Variants in TTC28 observed in about 807,000 individuals in gnomAD.
TTC28 encodes the protein tetratricopeptide repeat domain 28.
In TTC28, 61 loss-of-function variants were observed where a neutral mutation model predicts 198.0. That is an observed-to-expected ratio of 0.31 (90% CI 0.25 to 0.38). The LOEUF is 0.38. Ranked by LOEUF, TTC28 falls within the 10% of genes least tolerant of loss-of-function variation. The pLI, the probability that TTC28 is intolerant of heterozygous loss-of-function variation, is 1.00. For synonymous variants in TTC28, 1,171 were observed against 1,297.8 expected, an observed-to-expected ratio of 0.90 and a Z score of 2.10; for missense variants, 2,678 against 3,164.0, an observed-to-expected ratio of 0.85 and a Z score of 3.69.
At chr22:28,373,449 A>C (rs2046366447) in intron 2 of TTC28, among the ~76,000 whole-genome samples, 2 of 152,206 alleles carry the variant, frequency 1.3e-5, no homozygotes, top group Admixed American at 1.3e-4. Flanking sequence ...CTATTAGCAG[A>C]ATTCATCTAT....
chr22:28,486,313 A>G (rs2048314409), intron 2 of TTC28, among the ~76,000 whole-genome samples: 1 of 152,182 alleles, frequency 6.6e-6, no homozygotes, highest in African/African-American at 2.4e-5. Flanking sequence ...TAAAAGGACT[A>G]TAATCAGAGA....
intron 2 of TTC28, among the ~76,000 whole-genome samples, chr22:28,532,035 C>G (rs1426741272): frequency 6.6e-6 from 1 of 152,054 alleles, no homozygotes; most frequent in Non-Finnish European, 1.5e-5. Flanking sequence ...CAAAAGCTAG[C>G]AGAAGGCAAG....
chr22:27,992,554 A>G, intron 19 of TTC28, 33 bp downstream of exon 19: 1 of 1,548,456 alleles, frequency 6.5e-7, no homozygotes, highest in Non-Finnish European at 8.7e-7. Flanking sequence ...CATGGGCCTC[A>G]GGCCCTGGCT....
chr22:28,258,065 G>A (rs1475623263), intron 5 of TTC28, among the ~76,000 whole-genome samples: 1 of 151,956 alleles, frequency 6.6e-6, no homozygotes, highest in Non-Finnish European at 1.5e-5. Flanking sequence ...CTTCATAGCA[G>A]AAACCAACTA....
chr22:28,098,921 T>C lies in TTC28; in HGVS notation c.3541A>G (p.Ser1181Gly), dbSNP rs1482119578. Residue 1181 changes from serine to glycine, a missense_variant, in exon 10 of 23, where the codon AGC (serine) becomes GGC (glycine). Physicochemically the swap from Ser to Gly is moderately conservative, Grantham distance 56. Transcript: ENST00000397906. ...TAACCCCAGCTGTTCTCACCTAGGC[T>C]GACGAGCACCCGCTGCAAGGCCTGG... Reference protein sequence around the residue: ...SYQALQRVLVSLGHHDEALAV... With the variant: ...SYQALQRVLVGLGHHDEALAV... 6.4e-7 allele frequency: 1 copy of C among 1,551,654 alleles called. No individual in the cohort carries two copies. The highest frequency in any genetic ancestry group is 8.7e-7 in the Non-Finnish European group (1 of 1,146,954).
intron 6 of TTC28, among the ~76,000 whole-genome samples, chr22:28,142,787 A>G (rs1943372052): frequency 1.3e-5 from 2 of 152,210 alleles, no homozygotes; most frequent in Admixed American, 6.5e-5. Flanking sequence ...TAACAATCGG[A>G]AAACCATCAG....
chr22:28,183,867 T>C (rs1923941847), intron 5 of TTC28, among the ~76,000 whole-genome samples: 1 of 152,224 alleles, frequency 6.6e-6, no homozygotes, highest in Non-Finnish European at 1.5e-5. Context: ...TTAATACATT[T>C]TAAAACATAG....
intron 2 of TTC28, among the ~76,000 whole-genome samples, chr22:28,594,620 A>G (rs939130852): frequency 6.7e-6 from 1 of 149,944 alleles, no homozygotes; most frequent in Non-Finnish European, 1.5e-5. Context: ...GTAGTACAGG[A>G]CAGTAATAGT....
intron 2 of TTC28, among the ~76,000 whole-genome samples, chr22:28,353,604 G>A (rs2046032289): frequency 6.6e-6 from 1 of 152,032 alleles, no homozygotes; most frequent in Non-Finnish European, 1.5e-5. Flanking sequence ...ATGAAGAAAG[G>A]ACAGTCTTTT....
intron 2 of TTC28, among the ~76,000 whole-genome samples, chr22:28,522,220 G>A (rs1041553961): frequency 6.6e-6 from 1 of 152,194 alleles, no homozygotes; most frequent in Non-Finnish European, 1.5e-5. Context: ...GGGTGCGGTG[G>A]CTCACGCCTG....
chr22:28,244,015 C>T (rs1036029396), intron 5 of TTC28, among the ~76,000 whole-genome samples: 3 of 152,060 alleles, frequency 2.0e-5, no homozygotes, highest in Admixed American at 6.6e-5. Flanking sequence ...ATAAATTATA[C>T]ATATTTATTT....
chr22:28,063,131 G>A (rs974983475), intron 12 of TTC28, among the ~76,000 whole-genome samples: 1 of 152,102 alleles, frequency 6.6e-6, no homozygotes, highest in African/African-American at 2.4e-5. Flanking sequence ...TCTTTAGCTA[G>A]AATCTAAAGA....
At chr22:28,671,634 CAAAAAAAAA>C (rs370262568) in intron 1 of TTC28, among the ~76,000 whole-genome samples, 1 of 81,618 alleles carries the variant, frequency 1.2e-5, no homozygotes, top group Non-Finnish European at 2.4e-5. Context: ...GACTCCATCT[CAAAAAAAAA>C]AAAAAAAAAA....
chr22:28,550,710 G>C (rs2145959423), intron 2 of TTC28, among the ~76,000 whole-genome samples: 1 of 152,168 alleles, frequency 6.6e-6, no homozygotes, highest in East Asian at 1.9e-4. Context: ...TAATAGACTA[G>C]CACTGCAGCA....
intron 2 of TTC28, among the ~76,000 whole-genome samples, chr22:28,523,847 C>T (rs889920317): frequency 3.3e-5 from 5 of 152,106 alleles, no homozygotes; most frequent in Admixed American, 2.6e-4. Context: ...AATAATAATA[C>T]GTTTTATAAA....
chr22:28,162,222 A>C (rs887094424), intron 6 of TTC28, among the ~76,000 whole-genome samples: 1 of 152,222 alleles, frequency 6.6e-6, no homozygotes, highest in Admixed American at 6.5e-5. Context: ...TGAATGTTTT[A>C]ATTGTAACCA....
At chr22:28,527,858 C>T (rs912060418) in intron 2 of TTC28, among the ~76,000 whole-genome samples, 1 of 152,144 alleles carries the variant, frequency 6.6e-6, no homozygotes, top group South Asian at 2.1e-4. Flanking sequence ...GTCTTGAACT[C>T]CTAGCCTCAA....
intron 2 of TTC28, among the ~76,000 whole-genome samples, chr22:28,423,260 C>T (rs1169028025): frequency 6.6e-6 from 1 of 152,148 alleles, no homozygotes; most frequent in East Asian, 1.9e-4. Context: ...TGTGTTGCCA[C>T]GTGCCTGTAA....
intron 2 of TTC28, among the ~76,000 whole-genome samples, chr22:28,490,489 G>A (rs976091612): frequency 2.0e-5 from 3 of 152,096 alleles, no homozygotes; most frequent in African/African-American, 4.8e-5. Flanking sequence ...ATGACTACTC[G>A]TAACTTCAAG....
Sources: allele counts gnomAD v4.1 joint callset (sites outside exome capture counted in the v4.1 genomes callset), GRCh38; gene constraint gnomAD v4.1.1; transcripts MANE v1.5; gene names NCBI Gene and HGNC (gene_info 2026-07-23, HGNC 2026-07-21).